Variants in JAM3 observed in about 807,000 individuals in gnomAD.
JAM3 encodes the protein junctional adhesion molecule C.
JAM3 carries 31 observed loss-of-function variants against 39.4 expected under a neutral mutation model. The ratio of observed to expected loss-of-function variants is 0.79; its 90% CI spans 0.59 to 1.06. The LOEUF (loss-of-function observed/expected upper bound fraction) is 1.06, where lower values mean the gene tolerates loss of function less well. Ranked by LOEUF, JAM3 falls within the 50% of genes least tolerant of loss-of-function variation. The pLI, the probability that JAM3 is intolerant of heterozygous loss-of-function variation, is 0.00. For missense variants in JAM3, 455 were observed against 391.4 expected (o/e 1.16, Z -1.37); for synonymous variants, 182 against 148.7 (o/e 1.22, Z -1.63).
intron 1 of JAM3, among the ~76,000 whole-genome samples, chr11:134,106,221 A>G (rs1470385834): frequency 6.6e-6 from 1 of 152,136 alleles, no homozygotes; most frequent in Non-Finnish European, 1.5e-5. Context: ...ATCTTTGACA[A>G]ACCTGACAAA....
chr11:134,080,138 T>C (rs1463602239), intron 1 of JAM3, among the ~76,000 whole-genome samples: 6 of 152,374 alleles, frequency 3.9e-5, no homozygotes, highest in East Asian at 1.9e-4. Flanking sequence ...GCATCAGATA[T>C]GAAGTTTTCA....
At chr11:134,086,298 C>T (rs940173171) in intron 1 of JAM3, among the ~76,000 whole-genome samples, 3 of 152,110 alleles carry the variant, frequency 2.0e-5, no homozygotes, top group African/African-American at 7.2e-5. Context: ...ATAACCTTCT[C>T]TTAAAAAAGC....
intron 1 of JAM3, among the ~76,000 whole-genome samples, chr11:134,109,793 C>T (rs149982357): frequency 1.2e-4 from 19 of 152,278 alleles, no homozygotes; most frequent in African/African-American, 2.4e-4. Flanking sequence ...ATATTGTGCC[C>T]AGTAAATAAA....
intron 1 of JAM3, among the ~76,000 whole-genome samples, chr11:134,076,242 C>T (rs1435987909): frequency 2.0e-5 from 3 of 150,492 alleles, no homozygotes; most frequent in Non-Finnish European, 4.4e-5. Context: ...GCAACTGCCA[C>T]CTCCCGGGGT....
intron 1 of JAM3, among the ~76,000 whole-genome samples, chr11:134,107,829 C>G (rs535941374): frequency 6.6e-6 from 1 of 151,926 alleles, no homozygotes; most frequent in South Asian, 2.1e-4. Flanking sequence ...CGCCACGGCA[C>G]TCTGGCTAAG....
rs1942099018 is a variant in JAM3 at position 134,102,704 on chromosome 11, C to A, written c.76+33545C>A. 2.0e-5 allele frequency among the ~76,000 whole-genome samples: 3 copies of A among 152,174 alleles called. No individual in the cohort carries two copies. In the South Asian group the frequency reaches 6.2e-4, roughly 32 times the overall value. On this transcript the variant is annotated intron_variant, in intron 1 of 8. Coordinates refer to ENST00000299106, the MANE Select transcript of JAM3 (RefSeq NM_032801.5). Reference sequence around the variant, plus strand: ...GGAGCTGAAAACCATGGCATGAGAACTACGTGACGAATGCACAAGCTTTAG... The same window carrying A: ...GGAGCTGAAAACCATGGCATGAGAAATACGTGACGAATGCACAAGCTTTAG...
chr11:134,091,368 G>A (rs180783315), intron 1 of JAM3, among the ~76,000 whole-genome samples: 91 of 152,152 alleles, frequency 6.0e-4, no homozygotes, highest in African/African-American at 2.0e-3. Flanking sequence ...GGTGGCACGC[G>A]CCTGTAGTCC....
At chr11:134,126,880 T>A (rs1942657989) in intron 1 of JAM3, among the ~76,000 whole-genome samples, 1 of 152,240 alleles carries the variant, frequency 6.6e-6, no homozygotes, top group Non-Finnish European at 1.5e-5. Flanking sequence ...AGGATAATAA[T>A]AACTTCTCCT....
chr11:134,103,878 C>A (rs918329649), intron 1 of JAM3, among the ~76,000 whole-genome samples: 1 of 152,172 alleles, frequency 6.6e-6, no homozygotes, highest in Non-Finnish European at 1.5e-5. Flanking sequence ...TAGGGACCTA[C>A]AAAGAGACTT....
intron 1 of JAM3, among the ~76,000 whole-genome samples, chr11:134,119,765 C>T (rs986512921): frequency 6.6e-6 from 1 of 150,558 alleles, no homozygotes; most frequent in African/African-American, 2.4e-5. Context: ...ATGTTAATCT[C>T]ATCTTAAAAA....
intron 1 of JAM3, among the ~76,000 whole-genome samples, chr11:134,113,877 T>C (rs1318733420): frequency 6.6e-6 from 1 of 152,242 alleles, no homozygotes; most frequent in Non-Finnish European, 1.5e-5. Context: ...TTTTTAATGA[T>C]CGCAATTCTA....
chr11:134,145,392 G>T (rs1055651661), intron 5 of JAM3: 7 of 348,344 alleles, frequency 2.0e-5, no homozygotes, highest in African/African-American at 6.4e-5. Flanking sequence ...TTACAGTCTT[G>T]TAGAGATACT....
intron 1 of JAM3, among the ~76,000 whole-genome samples, chr11:134,079,775 A>G (rs1197205847): frequency 1.3e-5 from 2 of 152,216 alleles, no homozygotes; most frequent in Admixed American, 1.3e-4. Context: ...CTTTGTAGGC[A>G]TATAATTTGT....
intron 1 of JAM3, among the ~76,000 whole-genome samples, chr11:134,125,459 T>C (rs553401442): frequency 6.6e-6 from 1 of 152,364 alleles, no homozygotes; most frequent in Non-Finnish European, 1.5e-5. Context: ...CTTTCTTTTT[T>C]AGTTCTGGAT....
intron 1 of JAM3, among the ~76,000 whole-genome samples, chr11:134,132,803 T>G (rs894150647): frequency 2.0e-5 from 3 of 152,196 alleles, no homozygotes. Flanking sequence ...GGGGGCCTGC[T>G]AAGACTGGGC....
chr11:134,076,416 A>C (rs890190947), intron 1 of JAM3, among the ~76,000 whole-genome samples: 1 of 151,924 alleles, frequency 6.6e-6, no homozygotes, highest in African/African-American at 2.4e-5. Flanking sequence ...CGGCCTCCCA[A>C]AGTGCTGGAT....
chr11:134,104,011 A>G (rs1316189866), intron 1 of JAM3, among the ~76,000 whole-genome samples: 2 of 152,230 alleles, frequency 1.3e-5, no homozygotes, highest in East Asian at 1.9e-4. Flanking sequence ...AGCGGACATA[A>G]TAGACATCTA....
chr11:134,137,474 G>A (rs1379121565), intron 1 of JAM3, among the ~76,000 whole-genome samples: 1 of 152,188 alleles, frequency 6.6e-6, no homozygotes, highest in Non-Finnish European at 1.5e-5. Flanking sequence ...GATGTGATTG[G>A]GTTGTCCAGT....
rs544812731 is a variant in JAM3, at chr11:134,149,041, G to A, written c.898-105G>A. 60 of 1,378,810 alleles carry A rather than the reference G, an allele frequency of 4.4e-5. No individual in the cohort carries two copies. The East Asian group carries it at 1.3e-3, about 31-fold the overall frequency. 85.4% of individuals were successfully genotyped at this position (1,378,810 alleles called of 1,614,324 possible). A position where few individuals can be genotyped will look rare whatever the true frequency, so the allele number is the denominator to read the frequency against. On this transcript the variant is annotated intron_variant, in intron 8 of 8. Transcript: ENST00000299106. ...AAGCGCTAGTGATGGTACTTTTTAAGAATGATTATTCCATCTGTATTTAGC... is the reference window on the plus strand; with the variant it reads ...AAGCGCTAGTGATGGTACTTTTTAAAAATGATTATTCCATCTGTATTTAGC...
Sources: allele counts gnomAD v4.1 joint callset (sites outside exome capture counted in the v4.1 genomes callset), GRCh38; gene constraint gnomAD v4.1.1; transcripts MANE v1.5; gene names NCBI Gene and HGNC (gene_info 2026-07-23, HGNC 2026-07-21).